Variants in HPGDS observed in about 807,000 individuals in gnomAD.
HPGDS encodes GST class-sigma.
A neutral mutation model predicts 23.1 loss-of-function variants in HPGDS; 26 were observed. The ratio of observed to expected loss-of-function variants is 1.13; its 90% CI spans 0.83 to 1.56. The LOEUF (loss-of-function observed/expected upper bound fraction) is 1.56. Among genes scored for constraint, HPGDS ranks in the 40% most tolerant of loss-of-function variants. The pLI is 0.00. For missense variants in HPGDS, 268 were observed against 236.4 expected, an observed-to-expected ratio of 1.13 and a Z score of -0.88; for synonymous variants, 95 against 77.9, an observed-to-expected ratio of 1.22 and a Z score of -1.16.
intron 5 of HPGDS, among the ~76,000 whole-genome samples, chr4:94,300,699 C>T (rs1045114543): frequency 6.7e-6 from 1 of 150,084 alleles, no homozygotes; most frequent in South Asian, 2.1e-4. Context: ...AAGGGAAAAG[C>T]AAATATGCAA....
intron 2 of HPGDS, among the ~76,000 whole-genome samples, chr4:94,326,644 G>A (rs1396366127): frequency 2.0e-5 from 3 of 151,748 alleles, no homozygotes; most frequent in Admixed American, 1.3e-4. Flanking sequence ...GTATTCTTTT[G>A]TATCTCACTG....
At chr4:94,316,869 G>C (rs1421548545) in intron 3 of HPGDS, among the ~76,000 whole-genome samples, 1 of 152,218 alleles carries the variant, frequency 6.6e-6, no homozygotes, top group African/African-American at 2.4e-5. Context: ...GAAAAGCACT[G>C]CCCAGGTCCA....
intron 4 of HPGDS, among the ~76,000 whole-genome samples, chr4:94,304,254 C>T (rs932359150): frequency 5.9e-5 from 9 of 152,062 alleles, no homozygotes; most frequent in African/African-American, 1.7e-4. Context: ...GTTGGAACCA[C>T]GACATCAGAA....
At chr4:94,313,304 C>G (rs1174541002) in intron 3 of HPGDS, among the ~76,000 whole-genome samples, 1 of 152,130 alleles carries the variant, frequency 6.6e-6, no homozygotes, top group Non-Finnish European at 1.5e-5. Context: ...TTTAGTGCTT[C>G]CTTCAGGAGC....
chr4:94,318,148 G>A (rs765700889), intron 2 of HPGDS, among the ~76,000 whole-genome samples, 183 bp from the exon 3 acceptor site: 2 of 152,074 alleles, frequency 1.3e-5, no homozygotes, highest in African/African-American at 2.4e-5. Flanking sequence ...TTTTGTTTAA[G>A]TTGTTAGAAA....
chr4:94,317,237 A>G (rs1418501641), intron 3 of HPGDS, among the ~76,000 whole-genome samples: 3 of 152,176 alleles, frequency 2.0e-5, no homozygotes, highest in Non-Finnish European at 4.4e-5. Flanking sequence ...TTTTGGCTCA[A>G]AAAGGGTGTG....
At chr4:94,322,461 G>A (rs981406217) in intron 2 of HPGDS, among the ~76,000 whole-genome samples, 13 of 152,054 alleles carry the variant, frequency 8.5e-5, no homozygotes, top group South Asian at 6.2e-4. Context: ...GTCTATTCAG[G>A]GATTCAACTT....
chr4:94,316,999 T>G (rs1756409626), intron 3 of HPGDS, among the ~76,000 whole-genome samples: 1 of 152,254 alleles, frequency 6.6e-6, no homozygotes, highest in South Asian at 2.1e-4. Context: ...CAAAGTAACT[T>G]TATTTGTTGA....
chr4:94,337,303 A>G (rs1337654990), intron 1 of HPGDS, among the ~76,000 whole-genome samples: 1 of 152,022 alleles, frequency 6.6e-6, no homozygotes, highest in African/African-American at 2.4e-5. Flanking sequence ...TTCTATATAA[A>G]ACTTTTTATT....
At chr4:94,320,365 T>G (rs759563028) in intron 2 of HPGDS, among the ~76,000 whole-genome samples, 2 of 152,170 alleles carry the variant, frequency 1.3e-5, no homozygotes, top group African/African-American at 2.4e-5. Context: ...TGAACTAGTT[T>G]ACAGTCCCAC....
At chr4:94,325,346 A>C (rs1472794836) in intron 2 of HPGDS, among the ~76,000 whole-genome samples, 4 of 152,210 alleles carry the variant, frequency 2.6e-5, no homozygotes, top group African/African-American at 9.6e-5. Context: ...AGTCTGCAGA[A>C]GTTTCTGCTG....
At chr4:94,341,658 T>G (rs1301470383) in intron 1 of HPGDS, among the ~76,000 whole-genome samples, 1 of 152,232 alleles carries the variant, frequency 6.6e-6, no homozygotes, top group African/African-American at 2.4e-5. Context: ...GTTTTTTACA[T>G]GCTTAGTAAT....
chr4:94,305,356 C>CTA (rs1756120368), intron 4 of HPGDS, among the ~76,000 whole-genome samples: 2 of 152,120 alleles, frequency 1.3e-5, no homozygotes, highest in South Asian at 2.1e-4. Flanking sequence ...CTGGCTAGGC[C>CTA]TATATATATA....
chr4:94,324,737 C>T (rs745610890), intron 2 of HPGDS, among the ~76,000 whole-genome samples: 11 of 152,046 alleles, frequency 7.2e-5, no homozygotes, highest in African/African-American at 2.2e-4. Flanking sequence ...TTGTTACTAC[C>T]GACCTTCTGA....
Position 94,334,642 on chromosome 4 carries a change from G to A in HPGDS, c.-9-4C>T. The A allele has an allele frequency of 3.1e-6, 5 of 1,595,388 alleles. No individual in the cohort carries two copies. The highest frequency in any genetic ancestry group is 2.3e-5 in the South Asian group (2 of 87,326). ...TGTAGTTTGGCATGGTGCAATTCTG[G>A]AAAAAGAAAAAGGGAGGGATTATTT... On this transcript the variant is annotated splice_region_variant and splice_polypyrimidine_tract_variant and intron_variant, in intron 1 of 5. Transcript: ENST00000295256.
At chr4:94,303,609 C>T (rs1756086718) in intron 4 of HPGDS, among the ~76,000 whole-genome samples, 1 of 152,120 alleles carries the variant, frequency 6.6e-6, no homozygotes, top group Admixed American at 6.6e-5. Context: ...AGTTATGAGT[C>T]TTTCTGCTGC....
At chr4:94,320,978 T>C (rs1329717786) in intron 2 of HPGDS, among the ~76,000 whole-genome samples, 1 of 152,216 alleles carries the variant, frequency 6.6e-6, no homozygotes, top group Non-Finnish European at 1.5e-5. Flanking sequence ...GCTTTCTCCA[T>C]ATGGCTAGCC....
chr4:94,299,888 C>A (rs149875261), intron 5 of HPGDS, among the ~76,000 whole-genome samples: 1 of 152,158 alleles, frequency 6.6e-6, no homozygotes, highest in African/African-American at 2.4e-5. Context: ...GTTTTACTAA[C>A]ATGAGATCTT....
intron 1 of HPGDS, among the ~76,000 whole-genome samples, chr4:94,341,487 A>T (rs1434776558): frequency 6.6e-6 from 1 of 152,190 alleles, no homozygotes; most frequent in African/African-American, 2.4e-5. Context: ...TTAGTTCAAA[A>T]AAGAGAACTT....
Sources: allele counts gnomAD v4.1 joint callset (sites outside exome capture counted in the v4.1 genomes callset), GRCh38; gene constraint gnomAD v4.1.1; transcripts MANE v1.5; gene names NCBI Gene and HGNC (gene_info 2026-07-23, HGNC 2026-07-21).